Variants in AGO2 observed in about 807,000 individuals in gnomAD.
AGO2 encodes the protein argonaute RISC catalytic component 2.
A neutral mutation model predicts 102.3 loss-of-function variants in AGO2; 5 were observed. That is an observed-to-expected ratio of 0.05 (90% CI 0.03 to 0.10). AGO2 has a LOEUF of 0.10. Among genes scored for constraint, AGO2 ranks in the 10% least tolerant of loss-of-function variants. The probability of loss-of-function intolerance (pLI) is 1.00; values close to 1 mark genes in which losing one functional copy is unlikely to be tolerated. For missense variants in AGO2, 541 were observed against 1,183.7 expected (o/e 0.46, Z 7.97); for synonymous variants, 449 against 473.1 (o/e 0.95, Z 0.66).
At chr8:140,558,629 G>T in intron 6 of AGO2, 57 bp from the exon 7 acceptor site, 1 of 1,539,922 alleles carries the variant, frequency 6.5e-7, no homozygotes, top group Non-Finnish European at 9.0e-7. Context: ...GAGTGCAGGC[G>T]CCACTTGCGA....
intron 1 of AGO2, among the ~76,000 whole-genome samples, chr8:140,590,157 G>A (rs532580109): frequency 2.3e-4 from 35 of 152,304 alleles, no homozygotes; most frequent in African/African-American, 6.7e-4. Flanking sequence ...TCACAGAGAC[G>A]CGTCTGGCCC....
intron 1 of AGO2, among the ~76,000 whole-genome samples, chr8:140,607,490 A>T (rs1588502072): frequency 6.1e-5 from 1 of 16,282 alleles, no homozygotes; most frequent in African/African-American, 1.6e-4. Flanking sequence ...ATATATATAT[A>T]TATATATATA....
intron 1 of AGO2, among the ~76,000 whole-genome samples, chr8:140,618,970 A>G (rs1233381655): frequency 6.6e-6 from 1 of 151,998 alleles, no homozygotes; most frequent in Non-Finnish European, 1.5e-5. Context: ...AAAAACTAGA[A>G]TCAAAAAGCA....
In AGO2 at chr8:140,526,222, A is replaced by T. The variant is rs1319573691; in HGVS notation, c.*5822T>A. ...AAGAGAGGAGAGGACAGAGGAGGCCATTTTCAACCCATTTGTAGGTAAAGC... is the reference window on the plus strand; with the variant it reads ...AAGAGAGGAGAGGACAGAGGAGGCCTTTTTCAACCCATTTGTAGGTAAAGC... On this transcript the variant is annotated 3_prime_UTR_variant, in exon 19 of 19. Coordinates refer to ENST00000220592, the MANE Select transcript of AGO2 (RefSeq NM_012154.5). This position sits in a 1 kb window ranked among gnomAD's most constrained non-coding sequence, Gnocchi z 5.2. 1 of 152,204 alleles carries T rather than the reference A, an allele frequency of 6.6e-6. No individual in the cohort carries two copies. Among genetic ancestry groups the T allele is most frequent in the Non-Finnish European group, 1.5e-5 (1 of 68,040 alleles). The allele number at this position is 152,204 out of a possible 1,614,324, so 9.4% of individuals were successfully genotyped here.
chr8:140,594,208 G>A (rs1039512158), intron 1 of AGO2, among the ~76,000 whole-genome samples: 3 of 152,112 alleles, frequency 2.0e-5, no homozygotes, highest in Admixed American at 2.0e-4. Flanking sequence ...GGCTGGAGGG[G>A]GCTTGCCAGT....
At chr8:140,570,947 A>G (rs1490579501) in intron 3 of AGO2, among the ~76,000 whole-genome samples, 1 of 152,244 alleles carries the variant, frequency 6.6e-6, no homozygotes, top group Non-Finnish European at 1.5e-5. Context: ...ATAAACATAT[A>G]CAGACAAAAC....
chr8:140,580,551 C>G (rs1474695954), intron 2 of AGO2, among the ~76,000 whole-genome samples: 1 of 152,198 alleles, frequency 6.6e-6, no homozygotes, highest in African/African-American at 2.4e-5. Flanking sequence ...CCACTCGGAG[C>G]TCCCCTCCAG....
intron 2 of AGO2, among the ~76,000 whole-genome samples, chr8:140,580,747 T>C (rs368969970): frequency 4.3e-4 from 66 of 152,384 alleles, no homozygotes; most frequent in African/African-American, 1.4e-3. Flanking sequence ...ACAAACATTT[T>C]ACTTCTGACA....
chr8:140,607,915 G>T lies in AGO2; in HGVS notation c.23-22604C>A, dbSNP rs143631709. On this transcript the variant is annotated intron_variant, in intron 1 of 18. Coordinates refer to ENST00000220592, the MANE Select transcript of AGO2 (RefSeq NM_012154.5). ...GCAGTTGAGTTATGTACTTTAAACC[G>T]GTCCGTTTTGTTCCGCATATTTTAC... 2.6e-5 allele frequency among the ~76,000 whole-genome samples: 4 copies of T among 152,182 alleles called. No individual in the cohort carries two copies. The East Asian group carries it at 7.7e-4, about 29-fold the overall frequency.
intron 3 of AGO2, chr8:140,572,464 C>T (rs192489077): frequency 3.2e-4 from 55 of 172,732 alleles, no homozygotes; most frequent in Non-Finnish European, 5.3e-4. Context: ...ATCTTCCTGC[C>T]TTGGCCTCTG....
chr8:140,546,160 G>A (rs1477788054), intron 13 of AGO2, among the ~76,000 whole-genome samples: 11 of 152,114 alleles, frequency 7.2e-5, no homozygotes, highest in Admixed American at 1.3e-4. Context: ...ATTGGTCTTC[G>A]CTCATTCCCA....
chr8:140,637,609 AG>A (rs1157704785), upstream of AGO2: 1 of 152,294 alleles, frequency 6.6e-6, no homozygotes, highest in Non-Finnish European at 1.5e-5. Flanking sequence ...GGGCCCATGC[AG>A]TCACTGGGTT....
chr8:140,636,277 A>G (rs1296883588), upstream of AGO2: 1 of 152,238 alleles, frequency 6.6e-6, no homozygotes, highest in Non-Finnish European at 1.5e-5. Context: ...GAGAAAATCT[A>G]AGAAGTTTTT....
At chr8:140,609,859 G>A (rs968418861) in intron 1 of AGO2, among the ~76,000 whole-genome samples, 6 of 149,668 alleles carry the variant, frequency 4.0e-5, no homozygotes, top group Non-Finnish European at 7.4e-5. Flanking sequence ...AGACTACAAT[G>A]GCCAGGCACG....
At chr8:140,625,488 C>A (rs983855361) in intron 1 of AGO2, among the ~76,000 whole-genome samples, 6 of 152,186 alleles carry the variant, frequency 3.9e-5, no homozygotes, top group African/African-American at 1.2e-4. Context: ...CCCTGCTCAA[C>A]CATGGTCTTT....
chr8:140,599,011 C>A (rs1056135635), intron 1 of AGO2, among the ~76,000 whole-genome samples: 1 of 152,232 alleles, frequency 6.6e-6, no homozygotes, highest in Admixed American at 6.5e-5. Flanking sequence ...CTGCTGCTCA[C>A]GCTGAGGCCA....
At chr8:140,605,045 C>A (rs140659081) in intron 1 of AGO2, among the ~76,000 whole-genome samples, 1 of 151,924 alleles carries the variant, frequency 6.6e-6, no homozygotes, top group East Asian at 1.9e-4. Flanking sequence ...CTGGCTATGG[C>A]GGATACGTTA....
chr8:140,560,784 G>C (rs1306484231), intron 4 of AGO2, among the ~76,000 whole-genome samples: 1 of 152,226 alleles, frequency 6.6e-6, no homozygotes, highest in Non-Finnish European at 1.5e-5. Flanking sequence ...CAAGCCCCCA[G>C]GACCTGGCGT....
chr8:140,552,929 G>A (rs1188509201), intron 10 of AGO2, among the ~76,000 whole-genome samples: 2 of 152,308 alleles, frequency 1.3e-5, no homozygotes, highest in South Asian at 4.1e-4. Context: ...ATGTCCCCTG[G>A]GGGGCAAAAT....
Sources: allele counts gnomAD v4.1 joint callset (sites outside exome capture counted in the v4.1 genomes callset), GRCh38; gene constraint gnomAD v4.1.1; non-coding constraint Gnocchi (gnomAD v3.1); transcripts MANE v1.5; gene names NCBI Gene and HGNC (gene_info 2026-07-23, HGNC 2026-07-21).